STAU2: variants seen among roughly 807,000 people sequenced by gnomAD.
The protein encoded by STAU2 is staufen double-stranded RNA binding protein 2, also known as double-stranded RNA-binding protein Staufen homolog 2.
In STAU2, 20 loss-of-function variants were observed where a neutral mutation model predicts 65.9. The ratio of observed to expected loss-of-function variants is 0.30; its 90% CI spans 0.21 to 0.44. STAU2 has a LOEUF of 0.44. Ranked by LOEUF, STAU2 falls within the 20% of genes least tolerant of loss-of-function variation. STAU2 has a pLI of 1.00. For missense variants in STAU2, 558 were observed against 683.9 expected (o/e 0.82, Z 2.05); for synonymous variants, 232 against 233.9 (o/e 0.99, Z 0.07).
chr8:73,743,865 G>C (rs1444938873), intron 1 of STAU2, among the ~76,000 whole-genome samples: 1 of 149,946 alleles, frequency 6.7e-6, no homozygotes, highest in African/African-American at 2.5e-5. Flanking sequence ...TCTGCCTCCC[G>C]GGTTCAAGCG....
intron 3 of STAU2, among the ~76,000 whole-genome samples, chr8:73,724,872 G>C (rs1300663598): frequency 6.6e-6 from 1 of 151,974 alleles, no homozygotes; most frequent in African/African-American, 2.4e-5. Flanking sequence ...ATTTTTTGTA[G>C]AGATGGGTTT....
At chr8:73,706,833 A>G (rs1202692239) in intron 4 of STAU2, among the ~76,000 whole-genome samples, 1 of 152,152 alleles carries the variant, frequency 6.6e-6, no homozygotes, top group Non-Finnish European at 1.5e-5. Flanking sequence ...ATCACAACCA[A>G]CCTGTTTAGC....
chr8:73,504,393 A>C (rs151137337), intron 13 of STAU2, among the ~76,000 whole-genome samples: 10 of 152,306 alleles, frequency 6.6e-5, no homozygotes, highest in African/African-American at 2.4e-4. Flanking sequence ...AGAAATACTA[A>C]GTTGTCACAA....
At chr8:73,627,183 G>C (rs1051896843) in intron 6 of STAU2, among the ~76,000 whole-genome samples, 54 of 135,370 alleles carry the variant, frequency 4.0e-4, no homozygotes, top group Non-Finnish European at 1.7e-4. Context: ...CAGCAGAATT[G>C]TGGAGTGATG....
intron 12 of STAU2, among the ~76,000 whole-genome samples, chr8:73,553,139 G>A (rs1055494038): frequency 1.3e-5 from 2 of 152,164 alleles, no homozygotes; most frequent in African/African-American, 4.8e-5. Context: ...ACTTTCCTTT[G>A]ACTATCATTT....
intron 7 of STAU2, among the ~76,000 whole-genome samples, chr8:73,616,836 T>C (rs1812865012): frequency 1.3e-5 from 2 of 151,666 alleles, no homozygotes; most frequent in South Asian, 2.1e-4. Flanking sequence ...GTATAGGACA[T>C]GCCTGAGCTA....
chr8:73,636,212 C>T (rs1814500900), intron 6 of STAU2, among the ~76,000 whole-genome samples: 1 of 151,990 alleles, frequency 6.6e-6, no homozygotes, highest in Non-Finnish European at 1.5e-5. Flanking sequence ...CAACAAAACC[C>T]CATATCTACA....
intron 13 of STAU2, among the ~76,000 whole-genome samples, chr8:73,442,486 A>T (rs1189914166): frequency 1.3e-5 from 2 of 152,086 alleles, no homozygotes; most frequent in African/African-American, 2.4e-5. Context: ...ATACGAAGAG[A>T]TTTACTCTGT....
intron 13 of STAU2, among the ~76,000 whole-genome samples, chr8:73,533,567 G>A (rs201144011): frequency 2.0e-5 from 3 of 152,116 alleles, no homozygotes; most frequent in African/African-American, 7.2e-5. Context: ...GGAAAATCAG[G>A]AAGTATTCAT....
intron 13 of STAU2, among the ~76,000 whole-genome samples, chr8:73,471,321 C>T (rs189746025): frequency 2.6e-5 from 4 of 151,760 alleles, no homozygotes; most frequent in East Asian, 1.9e-4. Context: ...TACAGGCACA[C>T]ACTAATATGC....
chr8:73,494,938 A>G (rs1821327944), intron 13 of STAU2, among the ~76,000 whole-genome samples: 1 of 151,654 alleles, frequency 6.6e-6, no homozygotes, highest in Non-Finnish European at 1.5e-5. Context: ...AGCCATTAAA[A>G]TGGAGATGAA....
rs576702288 is a variant in STAU2 at position 73,536,266 on chromosome 8, T to C, written c.1530+15746A>G. ...ATAATACAGTAGTGAATTCCTAAGTTTTCTTTTTGCTTTACATATCCTTGG... is the reference window on the plus strand; with the variant it reads ...ATAATACAGTAGTGAATTCCTAAGTCTTCTTTTTGCTTTACATATCCTTGG... On this transcript the variant is annotated intron_variant, in intron 13 of 14. Coordinates refer to ENST00000524300, the MANE Select transcript of STAU2 (RefSeq NM_001164380.2). Among the ~76,000 whole-genome samples the C allele has an allele frequency of 5.3e-5, 8 of 152,274 alleles. No individual in the cohort carries two copies. The South Asian group carries it at 1.2e-3, about 24-fold the overall frequency.
At chr8:73,668,111 C>T (rs1817366503) in intron 6 of STAU2, among the ~76,000 whole-genome samples, 1 of 151,924 alleles carries the variant, frequency 6.6e-6, no homozygotes, top group Admixed American at 6.6e-5. Context: ...CAGTTTACTC[C>T]AAGTGTTTGT....
intron 13 of STAU2, among the ~76,000 whole-genome samples, chr8:73,430,994 G>C (rs1160964648): frequency 1.3e-5 from 2 of 152,162 alleles, no homozygotes; most frequent in Non-Finnish European, 2.9e-5. Flanking sequence ...ACCATCTGCA[G>C]TTCACTTTCA....
chr8:73,704,117 T>C (rs1476004708), intron 4 of STAU2, among the ~76,000 whole-genome samples: 1 of 152,200 alleles, frequency 6.6e-6, no homozygotes, highest in Admixed American at 6.5e-5. Flanking sequence ...AGGCACATCC[T>C]ACAGCTCAAA....
intron 12 of STAU2, among the ~76,000 whole-genome samples, chr8:73,578,272 A>C (rs957307873): frequency 6.6e-6 from 1 of 152,184 alleles, no homozygotes. Context: ...CTGATTAAAA[A>C]CTTACTCTCT....
At chr8:73,549,390 A>G (rs1807159527) in intron 13 of STAU2, among the ~76,000 whole-genome samples, 1 of 152,130 alleles carries the variant, frequency 6.6e-6, no homozygotes, top group Non-Finnish European at 1.5e-5. Context: ...GAATAACAGA[A>G]CTGCTGAGAA....
chr8:73,553,282 G>A (rs1320510594), intron 12 of STAU2, among the ~76,000 whole-genome samples: 1 of 152,130 alleles, frequency 6.6e-6, no homozygotes, highest in African/African-American at 2.4e-5. Flanking sequence ...TGCTCTGAGA[G>A]ACACAACTTA....
intron 13 of STAU2, among the ~76,000 whole-genome samples, chr8:73,446,719 C>T (rs1342926833): frequency 6.6e-6 from 1 of 152,152 alleles, no homozygotes; most frequent in African/African-American, 2.4e-5. Context: ...AAGTGATCCT[C>T]CTGTCTTGGC....
Sources: allele counts gnomAD v4.1 joint callset (sites outside exome capture counted in the v4.1 genomes callset), GRCh38; gene constraint gnomAD v4.1.1; transcripts MANE v1.5; gene names NCBI Gene and HGNC (gene_info 2026-07-23, HGNC 2026-07-21).